Variants in KDM4C observed in about 807,000 individuals in gnomAD.
The protein encoded by KDM4C is lysine demethylase 4C.
In KDM4C, 81 loss-of-function variants were observed where a neutral mutation model predicts 129.3. The observed-to-expected ratio is 0.63, with a 90% CI of 0.52 to 0.75. The LOEUF is 0.75. Among genes scored for constraint, KDM4C ranks in the 30% least tolerant of loss-of-function variants. The pLI, the probability that KDM4C is intolerant of heterozygous loss-of-function variation, is 0.00. For synonymous variants in KDM4C, 573 were observed against 456.1 expected, an observed-to-expected ratio of 1.26 and a Z score of -3.26; for missense variants, 1,457 against 1,304.0, an observed-to-expected ratio of 1.12 and a Z score of -1.81.
chr9:7,000,032 T>G (rs1820445334), intron 12 of KDM4C, among the ~76,000 whole-genome samples: 1 of 152,242 alleles, frequency 6.6e-6, no homozygotes, highest in Non-Finnish European at 1.5e-5. Context: ...TTGGAATGTT[T>G]GTTGATAGGT....
chr9:6,848,106 C>T (rs1371880453), intron 4 of KDM4C, among the ~76,000 whole-genome samples: 1 of 151,834 alleles, frequency 6.6e-6, no homozygotes, highest in East Asian at 2.0e-4. Context: ...GTTTCCCAGG[C>T]TGGTCTTGAG....
intron 1 of KDM4C, among the ~76,000 whole-genome samples, chr9:6,747,539 CAAAA>C (rs35996555): frequency 2.0e-5 from 2 of 98,032 alleles, no homozygotes. Flanking sequence ...CAGGGCGATT[CAAAA>C]AAAAAAAAAA....
intron 17 of KDM4C, among the ~76,000 whole-genome samples, chr9:7,069,411 GGT>G (rs1832896230): frequency 6.6e-6 from 1 of 152,134 alleles, no homozygotes; most frequent in Admixed American, 6.5e-5. Context: ...TTTTAGGCCA[GGT>G]GTGTGGGAGG....
intron 8 of KDM4C, among the ~76,000 whole-genome samples, chr9:6,905,791 TA>T (rs564298025): frequency 1.5e-4 from 23 of 152,324 alleles, no homozygotes; most frequent in Non-Finnish European, 2.6e-4. Context: ...GGGGCAAAGC[TA>T]AATCAGCCTG....
intron 17 of KDM4C, among the ~76,000 whole-genome samples, chr9:7,093,556 A>G (rs1024795222): frequency 3.3e-5 from 5 of 151,922 alleles, no homozygotes; most frequent in Admixed American, 6.6e-5. Context: ...GATGGTCCGC[A>G]TTTTTCATTG....
At chr9:6,808,468 G>A (rs967062288) in intron 3 of KDM4C, among the ~76,000 whole-genome samples, 1 of 135,348 alleles carries the variant, frequency 7.4e-6, no homozygotes, top group African/African-American at 3.0e-5. Context: ...TGCAAGATGT[G>A]CTTTGTTAAA....
intron 4 of KDM4C, among the ~76,000 whole-genome samples, chr9:6,836,222 C>T (rs575138437): frequency 5.9e-5 from 9 of 152,120 alleles, no homozygotes; most frequent in African/African-American, 2.2e-4. Context: ...GAGGCTGAGG[C>T]GGGCGGATCA....
At chr9:7,105,745 G>A (rs1045127894) in intron 18 of KDM4C, among the ~76,000 whole-genome samples, 2 of 152,140 alleles carry the variant, frequency 1.3e-5, no homozygotes, top group African/African-American at 2.4e-5. Context: ...GGTTACTGAT[G>A]ACTATATTGA....
At chr9:6,784,331 G>C (rs575041730) in intron 1 of KDM4C, among the ~76,000 whole-genome samples, 1 of 152,102 alleles carries the variant, frequency 6.6e-6, no homozygotes, top group Non-Finnish European at 1.5e-5. Context: ...AGTTAGGTCT[G>C]TTATGTCCTG....
In KDM4C at chr9:6,915,635, A is replaced by C. The variant is rs1820167973; in HGVS notation, c.921+22403A>C. Among the ~76,000 whole-genome samples the C allele has an allele frequency of 3.3e-5, 5 of 152,372 alleles. No homozygotes were observed. In the South Asian group the frequency reaches 1.0e-3, roughly 32 times the overall value. On this transcript the variant is annotated intron_variant, in intron 8 of 21. Coordinates refer to ENST00000381309, the MANE Select transcript of KDM4C (RefSeq NM_015061.6). ...GGAAATAATCCACTTGACTGTCTCA[A>C]GAATAAAGAGACTGCTTTTGTTTTT...
intron 1 of KDM4C, among the ~76,000 whole-genome samples, chr9:6,782,021 C>T (rs1824454417): frequency 6.6e-6 from 1 of 151,962 alleles, no homozygotes. Flanking sequence ...GACAGGGTTT[C>T]ACCATGTTGG....
intron 8 of KDM4C, among the ~76,000 whole-genome samples, chr9:6,936,871 T>C (rs1420220773): frequency 1.3e-5 from 2 of 152,162 alleles, no homozygotes; most frequent in African/African-American, 4.8e-5. Context: ...CCTACAGAGC[T>C]AGAGGAAGGG....
Position 6,893,117 on chromosome 9 carries a change from T to A in KDM4C, c.806T>A (p.Phe269Tyr). 6.3e-7 allele frequency: 1 copy of A among 1,591,414 alleles called. No homozygotes were observed. Among genetic ancestry groups the A allele is most frequent in the Non-Finnish European group, 8.6e-7 (1 of 1,168,552 alleles). The change falls in exon 8 of 22, where the codon TTC becomes TAC. Residue 269 changes from phenylalanine to tyrosine, a missense_variant. Transcript: ENST00000381309. ...CAGATAACCCAGGAGGCTGGAGAAT[T>A]CATGATCACTTTCCCATATGGCTAC... Reference protein sequence around the residue: ...FDKITQEAGEFMITFPYGYHA... With the variant: ...FDKITQEAGEYMITFPYGYHA...
intron 3 of KDM4C, 77 bp from the exon 4 acceptor site, chr9:6,814,554 G>A: frequency 1.2e-6 from 1 of 869,100 alleles, no homozygotes; most frequent in Middle Eastern, 2.6e-4. Context: ...TTTAGAAAGT[G>A]ATTTAAATCA....
intron 3 of KDM4C, among the ~76,000 whole-genome samples, chr9:6,808,966 A>G (rs960948887): frequency 2.6e-5 from 4 of 151,882 alleles, no homozygotes; most frequent in African/African-American, 9.7e-5. Context: ...CTGAAAGACC[A>G]ACAAAAAATC....
At chr9:6,967,494 A>G (rs961784523) in intron 8 of KDM4C, among the ~76,000 whole-genome samples, 1 of 152,138 alleles carries the variant, frequency 6.6e-6, no homozygotes, top group African/African-American at 2.4e-5. Context: ...GTTCACAGAA[A>G]GACTTGCACA....
chr9:7,045,118 T>C (rs1829202845), intron 15 of KDM4C, among the ~76,000 whole-genome samples: 1 of 152,002 alleles, frequency 6.6e-6, no homozygotes, highest in African/African-American at 2.4e-5. Flanking sequence ...ACACATTGTA[T>C]TTTAGAAGAC....
intron 1 of KDM4C, among the ~76,000 whole-genome samples, chr9:6,784,343 C>G (rs1426380096): frequency 2.6e-5 from 4 of 152,146 alleles, no homozygotes; most frequent in Admixed American, 2.6e-4. Flanking sequence ...TATGTCCTGC[C>G]TCAGCCTCCC....
In KDM4C at chr9:7,132,349, G is replaced by C. The variant is rs1031595581; in HGVS notation, c.2781+4113G>C. 4.6e-5 allele frequency among the ~76,000 whole-genome samples: 7 copies of C among 152,282 alleles called. No homozygotes were observed. In the South Asian group the frequency reaches 1.5e-3, roughly 32 times the overall value. ...GAGAATTTTGGCAGGCGTTAAAAAT[G>C]CTTACGTTAGCGTTATGTGACTGGA... On this transcript the variant is annotated intron_variant, in intron 19 of 21. Transcript: ENST00000381309.
Sources: allele counts gnomAD v4.1 joint callset (sites outside exome capture counted in the v4.1 genomes callset), GRCh38; gene constraint gnomAD v4.1.1; transcripts MANE v1.5; gene names NCBI Gene and HGNC (gene_info 2026-07-23, HGNC 2026-07-21).